Variants in NSMCE2 observed in about 807,000 individuals in gnomAD.
NSMCE2 encodes E3 SUMO-protein ligase NSE2.
In NSMCE2, 24 loss-of-function variants were observed where a neutral mutation model predicts 23.8. The observed-to-expected ratio is 1.01, with a 90% CI of 0.73 to 1.42. The LOEUF is 1.42. NSMCE2 is among the 40% of genes most tolerant of loss of function. The probability of loss-of-function intolerance (pLI) is 0.00; values close to 1 mark genes in which losing one functional copy is unlikely to be tolerated. For missense variants in NSMCE2, 284 were observed against 296.5 expected, an observed-to-expected ratio of 0.96 and a Z score of 0.31; for synonymous variants, 92 against 94.1, an observed-to-expected ratio of 0.98 and a Z score of 0.13.
At chr8:125,206,348 G>A (rs1166671824) in intron 5 of NSMCE2, among the ~76,000 whole-genome samples, 2 of 152,160 alleles carry the variant, frequency 1.3e-5, no homozygotes, top group African/African-American at 2.4e-5. Context: ...GTAATGGGGA[G>A]GGTTACAGGT....
Position 125,335,431 on chromosome 8 carries a change from G to A in NSMCE2, c.419-21788G>A, listed in dbSNP as rs1830038344. On this transcript the variant is annotated intron_variant, in intron 5 of 7. Transcript: ENST00000287437. ...ATTAGGTAACTTGCTCAAAAACACA[G>A]AGGGACTGAGGCAGGCAGTATTTAA... 2.0e-5 allele frequency among the ~76,000 whole-genome samples: 3 copies of A among 152,190 alleles called. No individual in the cohort carries two copies. In the South Asian group the frequency reaches 6.2e-4, roughly 32 times the overall value.
intron 5 of NSMCE2, among the ~76,000 whole-genome samples, chr8:125,189,277 A>G (rs1048458718): frequency 2.0e-5 from 3 of 152,206 alleles, no homozygotes; most frequent in Admixed American, 2.0e-4. Flanking sequence ...TCCCTTATGC[A>G]TTTGGGTCAT....
Position 125,205,492 on chromosome 8 carries a change from G to A in NSMCE2, c.418+23236G>A, listed in dbSNP as rs374072770. ...ATGTTCTGTATCTGCTGCTTTTGGT[G>A]ATGGTGCATCCCAGGAGACACACTG... On this transcript the variant is annotated intron_variant, in intron 5 of 7. Transcript: ENST00000287437. Among the ~76,000 whole-genome samples, 10 of 152,168 alleles carry A rather than the reference G, an allele frequency of 6.6e-5. No homozygotes were observed. The East Asian group carries it at 1.3e-3, about 21-fold the overall frequency.
rs1037708163 is a variant in NSMCE2 at position 125,241,462 on chromosome 8, GA to G, written c.418+59209del. Among the ~76,000 whole-genome samples the G allele has an allele frequency of 3.8e-4, 58 of 152,354 alleles. 1 individual carries two copies. Among genetic ancestry groups the G allele is most frequent in the Middle Eastern group, 3.4e-3 (1 of 294 alleles). On this transcript the variant is annotated intron_variant, in intron 5 of 7. Transcript: ENST00000287437. The stretch of plus-strand genomic sequence containing the variant: ...ATTTAAGTCAGCCTTAGGGCATCAA[GA>G]AATTCTCCTTACAGTTATATCTGGG...
At chr8:125,101,175 G>A (rs1818170133) in intron 1 of NSMCE2, among the ~76,000 whole-genome samples, 2 of 152,182 alleles carry the variant, frequency 1.3e-5, no homozygotes, top group Admixed American at 1.3e-4. Flanking sequence ...TGGGTCTCAT[G>A]ATTGACATGG....
At chr8:125,253,580 G>A (rs1296975107) in intron 5 of NSMCE2, among the ~76,000 whole-genome samples, 1 of 152,184 alleles carries the variant, frequency 6.6e-6, no homozygotes, top group Non-Finnish European at 1.5e-5. Context: ...TATACTGGAT[G>A]AAAAGTAGTA....
chr8:125,208,879 A>G (rs972835015), intron 5 of NSMCE2, among the ~76,000 whole-genome samples: 1 of 152,242 alleles, frequency 6.6e-6, no homozygotes, highest in African/African-American at 2.4e-5. Flanking sequence ...ATGCAATAAC[A>G]TGACTATAGA....
At chr8:125,181,720 G>A (rs1822823636) in intron 4 of NSMCE2, among the ~76,000 whole-genome samples, 1 of 151,968 alleles carries the variant, frequency 6.6e-6, no homozygotes, top group South Asian at 2.1e-4. Context: ...AAAATGTTGA[G>A]CATGAAGGAT....
chr8:125,319,232 C>G (rs1466016785), intron 5 of NSMCE2, among the ~76,000 whole-genome samples: 1 of 152,114 alleles, frequency 6.6e-6, no homozygotes, highest in Admixed American at 6.6e-5. Flanking sequence ...CAAACTGTTT[C>G]CAAATAAATA....
chr8:125,251,310 A>C (rs4006774), intron 5 of NSMCE2, among the ~76,000 whole-genome samples: 3 of 152,234 alleles, frequency 2.0e-5, no homozygotes, highest in African/African-American at 7.2e-5. Flanking sequence ...GAAAATGCCC[A>C]CAAATGAACT....
chr8:125,166,418 C>T (rs1406574874), intron 4 of NSMCE2, among the ~76,000 whole-genome samples: 2 of 152,044 alleles, frequency 1.3e-5, no homozygotes, highest in Admixed American at 6.5e-5. Flanking sequence ...AAGTGCGTAC[C>T]ACCACACCTG....
intron 3 of NSMCE2, among the ~76,000 whole-genome samples, chr8:125,116,580 GTGCGTATATGTGCACACA>G (rs1819015103): frequency 6.6e-6 from 1 of 152,124 alleles, no homozygotes; most frequent in Non-Finnish European, 1.5e-5. Flanking sequence ...GCGTGTGTGT[GTGCGTATATGTGCACACA>G]TGGGAGTGTC....
At chr8:125,096,796 G>A (rs1016585614) in intron 1 of NSMCE2, among the ~76,000 whole-genome samples, 4 of 151,650 alleles carry the variant, frequency 2.6e-5, no homozygotes, top group South Asian at 2.1e-4. Flanking sequence ...TTTTCAGTAG[G>A]GATGGGGCTT....
intron 5 of NSMCE2, among the ~76,000 whole-genome samples, chr8:125,214,198 T>A (rs1824476317): frequency 1.3e-5 from 2 of 152,112 alleles, no homozygotes; most frequent in Non-Finnish European, 2.9e-5. Flanking sequence ...GTAGGCAAAA[T>A]TAGGGAACTG....
chr8:125,299,864 G>T (rs1045634601), intron 5 of NSMCE2, among the ~76,000 whole-genome samples: 4 of 127,126 alleles, frequency 3.1e-5, no homozygotes, highest in African/African-American at 1.2e-4. Flanking sequence ...TGTCACTCAG[G>T]CTGGAGTGCA....
intron 4 of NSMCE2, among the ~76,000 whole-genome samples, chr8:125,158,467 G>A (rs1187455063): frequency 6.6e-6 from 1 of 152,106 alleles, no homozygotes; most frequent in Admixed American, 6.5e-5. Flanking sequence ...AGCAGAATGG[G>A]CAGGAAACGC....
intron 5 of NSMCE2, among the ~76,000 whole-genome samples, chr8:125,304,050 C>T (rs1391203829): frequency 2.0e-5 from 3 of 152,134 alleles, no homozygotes; most frequent in African/African-American, 7.2e-5. Context: ...AGAGTTTATT[C>T]TCTACATAAG....
intron 5 of NSMCE2, among the ~76,000 whole-genome samples, chr8:125,332,651 A>G (rs10505453): frequency 0.44 from 66,942 of 152,038 alleles, 17,022 homozygotes; most frequent in East Asian, 0.55. Context: ...ATATATTACA[A>G]GTTTTCTTTT....
At position 125,102,142 on chromosome 8, in the gene NSMCE2, C is replaced by G; in HGVS notation, c.-19C>G. 1 of 552,818 alleles carries G rather than the reference C, an allele frequency of 1.8e-6. No homozygotes were observed. Among genetic ancestry groups the G allele is most frequent in the Non-Finnish European group, 3.2e-6 (1 of 308,526 alleles). 34.2% of individuals were successfully genotyped at this position (552,818 alleles called of 1,614,324 possible). A position where few individuals can be genotyped will look rare whatever the true frequency, so the allele number is the denominator to read the frequency against. On this transcript the variant is annotated 5_prime_UTR_variant, in exon 2 of 8. Transcript: ENST00000287437. ...TATTGAGTCCAGCTGTGTTTGGTGG[C>G]CCAGGTGAGTGGCACAGTGATTTGG... is the stretch of plus-strand genomic sequence containing the variant.
Sources: allele counts gnomAD v4.1 joint callset (sites outside exome capture counted in the v4.1 genomes callset), GRCh38; gene constraint gnomAD v4.1.1; transcripts MANE v1.5; gene names NCBI Gene and HGNC (gene_info 2026-07-23, HGNC 2026-07-21).